ASTN2: variants seen among roughly 807,000 people sequenced by gnomAD.
The protein encoded by ASTN2 is astrotactin 2.
ASTN2 carries 54 observed loss-of-function variants against 139.8 expected under a neutral mutation model. The observed-to-expected ratio is 0.39, with a 90% CI of 0.31 to 0.48. The LOEUF is 0.48. Ranked by LOEUF, ASTN2 falls within the 20% of genes least tolerant of loss-of-function variation. The probability of loss-of-function intolerance (pLI) is 0.95; values close to 1 mark genes in which losing one functional copy is unlikely to be tolerated. For missense variants in ASTN2, 1,565 were observed against 1,725.1 expected (o/e 0.91, Z 1.64); for synonymous variants, 756 against 719.5 (o/e 1.05, Z -0.81).
At chr9:116,486,104 G>C (rs1056682877) in intron 20 of ASTN2, among the ~76,000 whole-genome samples, 1 of 152,184 alleles carries the variant, frequency 6.6e-6, no homozygotes, top group Admixed American at 6.5e-5. Flanking sequence ...GAGACCTATA[G>C]GGGTAAAGCA....
At chr9:116,925,262 G>A (rs1834722284) in intron 10 of ASTN2, among the ~76,000 whole-genome samples, 1 of 152,112 alleles carries the variant, frequency 6.6e-6, no homozygotes, top group South Asian at 2.1e-4. Context: ...ATTATTCAGT[G>A]TCTCCTATGT....
At chr9:116,905,865 T>TGGGG (rs1564333905) in intron 10 of ASTN2, among the ~76,000 whole-genome samples, 1 of 106,634 alleles carries the variant, frequency 9.4e-6, no homozygotes, top group African/African-American at 4.5e-5. Flanking sequence ...TTTTTTTTTT[T>TGGGG]TGGGGGGGGG....
intron 7 of ASTN2, among the ~76,000 whole-genome samples, chr9:117,000,629 T>C (rs188467130): frequency 6.6e-6 from 1 of 152,334 alleles, no homozygotes; most frequent in Admixed American, 6.5e-5. Flanking sequence ...GTTCACTTTC[T>C]GTCCTCAGAG....
intron 16 of ASTN2, among the ~76,000 whole-genome samples, chr9:116,670,709 T>C (rs1393227153): frequency 6.6e-6 from 1 of 152,104 alleles, no homozygotes; most frequent in Non-Finnish European, 1.5e-5. Flanking sequence ...GGACTGGGGC[T>C]GAGATGCAGG....
chr9:116,701,081 G>A (rs1861148596), intron 16 of ASTN2: 1 of 167,118 alleles, frequency 6.0e-6, no homozygotes, highest in African/African-American at 2.4e-5. Flanking sequence ...GAGGACCTGT[G>A]ATGAGGTTCC....
intron 19 of ASTN2, among the ~76,000 whole-genome samples, chr9:116,608,107 G>A (rs1042623897): frequency 2.6e-5 from 4 of 152,180 alleles, no homozygotes; most frequent in African/African-American, 9.7e-5. Flanking sequence ...CCACTGTTCA[G>A]GGAGAGGAAA....
intron 1 of ASTN2, among the ~76,000 whole-genome samples, chr9:117,316,454 T>C (rs1828147215): frequency 6.6e-6 from 1 of 152,066 alleles, no homozygotes; most frequent in Non-Finnish European, 1.5e-5. Flanking sequence ...GTTTCTTCAC[T>C]CTCTCCCTCA....
intron 20 of ASTN2, among the ~76,000 whole-genome samples, chr9:116,466,255 C>T (rs2118989733): frequency 6.6e-6 from 1 of 152,228 alleles, no homozygotes. Context: ...AACTGTTCCC[C>T]CTCTTGCAGA....
chr9:116,845,240 G>A lies in ASTN2; in HGVS notation c.2040+18343C>T, dbSNP rs542838245. On this transcript the variant is annotated intron_variant, in intron 11 of 22. Transcript: ENST00000313400. ...CGCCATTCTCCCGCCTCAGCCTCCCGAGTAGCTGGGACTACAGGCGCCTGC... is the reference window on the plus strand; with the variant it reads ...CGCCATTCTCCCGCCTCAGCCTCCCAAGTAGCTGGGACTACAGGCGCCTGC... 7.9e-5 allele frequency among the ~76,000 whole-genome samples: 12 copies of A among 152,170 alleles called. No homozygotes were observed. In the South Asian group the frequency reaches 2.5e-3, roughly 32 times the overall value.
chr9:117,068,513 C>A (rs934312782), intron 5 of ASTN2, among the ~76,000 whole-genome samples: 29 of 117,778 alleles, frequency 2.5e-4, no homozygotes, highest in African/African-American at 9.4e-4. Context: ...CAGAATGATG[C>A]TGGCCTCATA....
intron 10 of ASTN2, among the ~76,000 whole-genome samples, chr9:116,868,438 A>G (rs968060300): frequency 6.6e-6 from 1 of 152,152 alleles, no homozygotes; most frequent in Admixed American, 6.5e-5. Context: ...CCCTCCTAAC[A>G]GTAAGGCCCG....
chr9:116,666,027 G>A (rs887090853), intron 16 of ASTN2, among the ~76,000 whole-genome samples: 1 of 152,118 alleles, frequency 6.6e-6, no homozygotes, highest in Admixed American at 6.5e-5. Context: ...CAGGTAATAA[G>A]AGCAGTAATA....
rs532898855 is a variant in ASTN2, at chr9:117,392,310, T to G, written c.442+22187A>C. ...ATAAGCTTTGATCATAGGTTAAACA[T>G]TGAAATGAGGGGAAACAAAGGGAGA... On this transcript the variant is annotated intron_variant, in intron 1 of 22. Coordinates refer to ENST00000313400, the MANE Select transcript of ASTN2 (RefSeq NM_001365068.1). Among the ~76,000 whole-genome samples, 45 of 152,216 alleles carry G rather than the reference T, an allele frequency of 3.0e-4. 1 individual carries two copies. The South Asian group carries it at 5.6e-3, about 19-fold the overall frequency.
intron 2 of ASTN2, among the ~76,000 whole-genome samples, chr9:117,237,875 G>A (rs1001673188): frequency 4.6e-5 from 7 of 152,194 alleles, no homozygotes; most frequent in African/African-American, 1.4e-4. Context: ...GGAAAGGGAG[G>A]AGTCAGAGAG....
chr9:116,833,119 A>G (rs1040369375), intron 11 of ASTN2, among the ~76,000 whole-genome samples: 1 of 152,096 alleles, frequency 6.6e-6, no homozygotes, highest in Non-Finnish European at 1.5e-5. Context: ...TCTATTTCAT[A>G]TTGGCGAATT....
At position 116,586,833 on chromosome 9, in the gene ASTN2, C is replaced by CACACACACACACACACACACACAT. The variant is rs1854170749; in HGVS notation, c.3355+31490_3355+31491insATGTGTGTGTGTGTGTGTGTGTGT. Among the ~76,000 whole-genome samples, 182 of 118,140 alleles carry CACACACACACACACACACACACAT rather than the reference C, an allele frequency of 1.5e-3. 1 individual carries two copies. The highest frequency in any genetic ancestry group is 5.3e-3 in the African/African-American group (169 of 32,094). 77.5% of individuals were successfully genotyped at this position (118,140 alleles called of 152,430 possible). On this transcript the variant is annotated intron_variant, in intron 19 of 22. Transcript: ENST00000313400. ...AAATTCACACACACACACATACATA[C>CACACACACACACACACACACACAT]ACACACACACACACACACACACACA... is the stretch of plus-strand genomic sequence containing the variant.
intron 2 of ASTN2, 110 bp downstream of exon 2, chr9:117,291,216 G>C (rs1834581398): frequency 7.3e-7 from 1 of 1,367,026 alleles, no homozygotes; most frequent in African/African-American, 1.4e-5. Flanking sequence ...CTAACCTCTT[G>C]AGTTTGGTTC....
chr9:116,580,540 C>A, intron 19 of ASTN2, among the ~76,000 whole-genome samples: 1 of 152,200 alleles, frequency 6.6e-6, no homozygotes, highest in East Asian at 1.9e-4. Flanking sequence ...TAAACCTGTG[C>A]TTTGCTGCAG....
intron 3 of ASTN2, among the ~76,000 whole-genome samples, chr9:117,168,043 C>CA (rs1246813724): frequency 6.6e-6 from 1 of 152,112 alleles, no homozygotes; most frequent in Non-Finnish European, 1.5e-5. Flanking sequence ...CTAACCAAGT[C>CA]AGCTTCTTTG....
Sources: allele counts gnomAD v4.1 joint callset (sites outside exome capture counted in the v4.1 genomes callset), GRCh38; gene constraint gnomAD v4.1.1; transcripts MANE v1.5; gene names NCBI Gene and HGNC (gene_info 2026-07-23, HGNC 2026-07-21).